The following IST1 variants were observed in gnomAD, a reference collection of about 807,000 sequenced individuals.
IST1 encodes IST1 homolog.
A neutral mutation model predicts 37.0 loss-of-function variants in IST1; 23 were observed. The observed-to-expected ratio is 0.62, with a 90% CI of 0.45 to 0.88. The LOEUF is 0.88. IST1 is among the 40% of genes least tolerant of loss of function. IST1 has a pLI of 0.00. For missense variants in IST1, 488 were observed against 445.4 expected, an observed-to-expected ratio of 1.10 and a Z score of -0.86; for synonymous variants, 180 against 161.7, an observed-to-expected ratio of 1.11 and a Z score of -0.86.
chr16:71,912,669 C>G (rs1004714936), intron 1 of IST1, among the ~76,000 whole-genome samples: 9 of 152,202 alleles, frequency 5.9e-5, no homozygotes, highest in African/African-American at 2.2e-4. Context: ...GTGTAGAGTT[C>G]AGTAGTGTGT....
At chr16:71,909,406 C>T (rs12445564) in intron 1 of IST1, among the ~76,000 whole-genome samples, 30,596 of 152,100 alleles carry the variant, frequency 0.2, 3,767 homozygotes, top group Non-Finnish European at 0.28. Flanking sequence ...TACTTGGCCT[C>T]ATTTGTCCTC....
rs1258586811 is a variant in IST1 at position 71,929,536 on chromosome 16, G to A, written c.*1723G>A. On this transcript the variant is annotated 3_prime_UTR_variant, in exon 10 of 10. Transcript: ENST00000378799. ...TACTAAGCCAAGTAGGAGATAACAG[G>A]ATTAAGGTAGTTCATCTAAAACTTC... 1 of 1,550,134 alleles carries A rather than the reference G, an allele frequency of 6.5e-7. No individual in the cohort carries two copies. The highest frequency in any genetic ancestry group is 2.0e-5 in the Admixed American group (1 of 50,512).
At chr16:71,905,498 C>T (rs2037203890) in intron 1 of IST1, among the ~76,000 whole-genome samples, 1 of 151,804 alleles carries the variant, frequency 6.6e-6, no homozygotes, top group African/African-American at 2.4e-5. Context: ...TTTGCCTCAG[C>T]CTCCCTAGTA....
Position 71,916,609 on chromosome 16 carries a change from T to C in IST1, c.236T>C (p.Leu79Pro). 1 of 1,614,108 alleles carries C rather than the reference T, an allele frequency of 6.2e-7. No homozygotes were observed. Among genetic ancestry groups the C allele is most frequent in the South Asian group, 1.1e-5 (1 of 91,076 alleles). Residue 79 changes from leucine (L) to proline (P), a missense_variant, in exon 3 of 10, where the codon CTG (leucine) becomes CCG (proline). By Grantham distance (98) the Leu-to-Pro change is moderately conservative. Transcript: ENST00000378799. ...ATCCTGGAGCTGTACTGTGACCTGC[T>C]GCTGGCTCGGTTTGGCCTTATCCAG... ...MEILELYCDL[L>P]LARFGLIQSM...
In IST1 at chr16:71,927,868, C is replaced by T. The variant is rs571286957; in HGVS notation, c.*55C>T. On this transcript the variant is annotated 3_prime_UTR_variant, in exon 10 of 10. Transcript: ENST00000378799. The stretch of plus-strand genomic sequence containing the variant: ...TGGGAGTTGAGACTGAGCAATTTCT[C>T]CTTGTAACAAAGAATCTCCATGAAA... 1.2e-5 allele frequency: 15 copies of T among 1,210,650 alleles called. No individual in the cohort carries two copies. In the African/African-American group the frequency reaches 2.2e-4, roughly 18 times the overall value. The allele number at this position is 1,210,650 out of a possible 1,614,324, so 75.0% of individuals were successfully genotyped here.
chr16:71,906,781 T>C (rs1270721557), intron 1 of IST1, among the ~76,000 whole-genome samples: 1 of 152,216 alleles, frequency 6.6e-6, no homozygotes. Flanking sequence ...TTCCTTTTGG[T>C]CTCCCTGGTT....
At chr16:71,898,596 G>C (rs1274401262) in intron 1 of IST1, among the ~76,000 whole-genome samples, 1 of 150,566 alleles carries the variant, frequency 6.6e-6, no homozygotes, top group South Asian at 2.1e-4. Flanking sequence ...AGAATTGCTT[G>C]AACCCAGGAG....
chr16:71,898,186 C>G (rs2037018669), intron 1 of IST1, among the ~76,000 whole-genome samples: 1 of 151,022 alleles, frequency 6.6e-6, no homozygotes, highest in East Asian at 2.0e-4. Flanking sequence ...ACCAGCCTGG[C>G]CAACATGGTA....
intron 1 of IST1, among the ~76,000 whole-genome samples, chr16:71,904,133 GGTT>G (rs2037168692): frequency 6.6e-6 from 1 of 152,032 alleles, no homozygotes; most frequent in African/African-American, 2.4e-5. Context: ...TGGTGGTGGT[GGTT>G]GTTTTGAGAC....
intron 1 of IST1, among the ~76,000 whole-genome samples, chr16:71,904,112 T>C (rs1008656290): frequency 6.6e-6 from 1 of 152,138 alleles, no homozygotes; most frequent in Non-Finnish European, 1.5e-5. Flanking sequence ...TCCAACGTTC[T>C]ATTTGTTTGG....
rs1197680589 is a variant in IST1 at position 71,924,697 on chromosome 16, C to G, written c.853-72C>G. The G allele has an allele frequency of 4.2e-6, 5 of 1,189,086 alleles. No homozygotes were observed. In the East Asian group the frequency reaches 9.3e-5, roughly 22 times the overall value. The allele number at this position is 1,189,086 out of a possible 1,614,324, so 73.7% of individuals were successfully genotyped here. A position where few individuals can be genotyped will look rare whatever the true frequency, so the allele number is the denominator to read the frequency against. On this transcript the variant is annotated intron_variant, in intron 8 of 9. Transcript: ENST00000378799. Reference sequence around the variant, plus strand: ...GTGAGCAACTTAACTTTTGGAAACACAGGGGCTTACACCAGTACTTTCTCC... The same window carrying G: ...GTGAGCAACTTAACTTTTGGAAACAGAGGGGCTTACACCAGTACTTTCTCC...
chr16:71,920,883 G>T (rs1304994768), intron 5 of IST1, 61 bp downstream of exon 5: 3 of 1,170,570 alleles, frequency 2.6e-6, no homozygotes, highest in Admixed American at 1.7e-5. Context: ...TGTACTGCTT[G>T]TGGCAATTCT....
At chr16:71,905,143 C>T (rs2037194134) in intron 1 of IST1, among the ~76,000 whole-genome samples, 1 of 151,818 alleles carries the variant, frequency 6.6e-6, no homozygotes. Flanking sequence ...TCAAGCAATT[C>T]TCCCGCCTCA....
chr16:71,927,014 C>G (rs2037759960), intron 9 of IST1, among the ~76,000 whole-genome samples: 1 of 152,116 alleles, frequency 6.6e-6, no homozygotes, highest in African/African-American at 2.4e-5. Context: ...ATTATCACTC[C>G]TTGGACTTAG....
Position 71,916,633 on chromosome 16 carries a change from A to C in IST1, c.260A>C (p.Gln87Pro). The change falls in exon 3 of 10, where the codon CAG (glutamine) becomes CCG (proline). Residue 87 changes from glutamine (Q) to proline (P), a missense_variant. By Grantham distance (76) the Gln-to-Pro change is moderately conservative. Coordinates refer to ENST00000378799, the MANE Select transcript of IST1 (RefSeq NM_001270975.2). ...CTGCTGGCTCGGTTTGGCCTTATCCAGTCTATGAAGTAAGATATTTTGATT... is the reference window on the plus strand; with the variant it reads ...CTGCTGGCTCGGTTTGGCCTTATCCCGTCTATGAAGTAAGATATTTTGATT... ...DLLLARFGLIQSMKELDSGLA... is the reference protein window; with the variant it reads ...DLLLARFGLIPSMKELDSGLA... 1.2e-6 allele frequency: 2 copies of C among 1,609,688 alleles called. No homozygotes were observed. Among genetic ancestry groups the C allele is most frequent in the Non-Finnish European group, 1.7e-6 (2 of 1,178,174 alleles).
intron 1 of IST1, chr16:71,903,779 G>A (rs995105791): frequency 6.6e-6 from 1 of 152,252 alleles, no homozygotes; most frequent in Non-Finnish European, 1.5e-5. Flanking sequence ...GCTGTGTTGG[G>A]TGTAATGTTC....
In IST1 at chr16:71,921,413, A is replaced by G. The variant is rs2037580539; in HGVS notation, c.512A>G (p.Lys171Arg). 1 of 1,613,484 alleles carries G rather than the reference A, an allele frequency of 6.2e-7. No homozygotes were observed. Among genetic ancestry groups the G allele is most frequent in the South Asian group, 1.1e-5 (1 of 91,080 alleles). The stretch of plus-strand genomic sequence containing the variant: ...GAGAGATACCTGATTGAAATTGCAA[A>G]GAATTACAACGTACCCTATGAACCT... ...LVERYLIEIA[K>R]NYNVPYEPDS... Residue 171 changes from lysine (K) to arginine (R), a missense_variant, in exon 6 of 10, where the codon AAG becomes AGG. Lys to Arg is a conservative substitution (Grantham distance 26, BLOSUM62 2). This residue lies in a region of IST1 where 455 missense variants were observed against 386.2 expected (regional missense o/e 1.18). Transcript: ENST00000378799.
In IST1 at chr16:71,922,354, G is replaced by A. The variant is rs2037613040; in HGVS notation, c.553-120G>A. ...CTCTGCCTTTTCTTCCCCCACAGGT[G>A]TTGATCCCAGAAGCACTCCAGTAAA... On this transcript the variant is annotated intron_variant, in intron 6 of 9. Coordinates refer to ENST00000378799, the MANE Select transcript of IST1 (RefSeq NM_001270975.2). 5 of 802,164 alleles carry A rather than the reference G, an allele frequency of 6.2e-6. No homozygotes were observed. The South Asian group carries it at 8.2e-5, about 13-fold the overall frequency. The allele number at this position is 802,164 out of a possible 1,614,324, so 49.7% of individuals were successfully genotyped here. A position where few individuals can be genotyped will look rare whatever the true frequency, so the allele number is the denominator to read the frequency against.
Position 71,921,353 on chromosome 16 carries a change from A to T in IST1, c.452A>T (p.Lys151Met). The T allele has an allele frequency of 6.2e-7, 1 of 1,610,162 alleles. No individual in the cohort carries two copies. Among genetic ancestry groups the T allele is most frequent in the African/African-American group, 1.3e-5 (1 of 74,976 alleles). ...IGTVNDRLMH[K>M]LSVEAPPKIL... ...TCTTTTTACTTACAGCTAATGCACA[A>T]GCTGAGTGTGGAAGCCCCACCCAAA... The change falls in exon 6 of 10, where the codon AAG (lysine) becomes ATG (methionine). Residue 151 changes from lysine to methionine, a missense_variant. Physicochemically the swap from Lys to Met is moderately conservative, Grantham distance 95 (BLOSUM62 -1). Coordinates refer to ENST00000378799, the MANE Select transcript of IST1 (RefSeq NM_001270975.2).
Sources: gnomAD v4.1 joint callset for allele counts (sites outside exome capture counted in the v4.1 genomes callset) on GRCh38, gnomAD v4.1.1 for gene constraint, gnomAD v4.1.1 regional missense constraint, MANE v1.5 for transcripts, NCBI Gene and HGNC (gene_info 2026-07-23, HGNC 2026-07-21) for gene names.